PIWIL4: variants seen among roughly 807,000 people sequenced by gnomAD.
The protein encoded by PIWIL4 is piwi like RNA-mediated gene silencing 4.
A neutral mutation model predicts 100.9 loss-of-function variants in PIWIL4; 50 were observed. That is an observed-to-expected ratio of 0.50 (90% CI 0.39 to 0.63). The LOEUF (loss-of-function observed/expected upper bound fraction) is 0.63, where lower values mean the gene tolerates loss of function less well. PIWIL4 is among the 20% of genes least tolerant of loss of function. The probability of loss-of-function intolerance (pLI) is 0.00; values close to 1 mark genes in which losing one functional copy is unlikely to be tolerated. For missense variants in PIWIL4, 887 were observed against 1,043.3 expected (o/e 0.85, Z 2.06); for synonymous variants, 342 against 367.5 (o/e 0.93, Z 0.79).
chr11:94,605,085 G>A (rs1410465073), intron 13 of PIWIL4, among the ~76,000 whole-genome samples: 1 of 152,122 alleles, frequency 6.6e-6, no homozygotes, highest in Admixed American at 6.5e-5. Context: ...TAAGTTACAG[G>A]CATGATGCCC....
intron 8 of PIWIL4, among the ~76,000 whole-genome samples, chr11:94,592,626 C>T (rs974633090): frequency 3.9e-5 from 6 of 152,140 alleles, no homozygotes; most frequent in South Asian, 2.1e-4. Context: ...CATTTGACTT[C>T]TTTTATTGTG....
At chr11:94,571,124 C>T (rs566097722) in intron 2 of PIWIL4, among the ~76,000 whole-genome samples, 2 of 152,200 alleles carry the variant, frequency 1.3e-5, no homozygotes, top group South Asian at 2.1e-4. Context: ...GTGATCCAAA[C>T]ACACAAATGA....
intron 4 of PIWIL4, among the ~76,000 whole-genome samples, chr11:94,582,298 A>G (rs1057335240): frequency 6.6e-6 from 1 of 152,210 alleles, no homozygotes; most frequent in Admixed American, 6.5e-5. Context: ...TCTGTCTGCC[A>G]GAGTTTTCCC....
chr11:94,568,584 C>G, intron 1 of PIWIL4, 146 bp from the exon 2 acceptor site: 64 of 576,212 alleles, frequency 1.1e-4, no homozygotes, highest in East Asian at 1.5e-4. Context: ...TGGGCACTCT[C>G]TTCTCATCTC....
At position 94,567,663 on chromosome 11, in the gene PIWIL4, G is replaced by A. The variant is rs577697389; in HGVS notation, c.87+58G>A. 78 of 1,477,136 alleles carry A rather than the reference G, an allele frequency of 5.3e-5. No homozygotes were observed. The African/African-American group carries it at 7.9e-4, about 15-fold the overall frequency. 91.5% of individuals were successfully genotyped at this position (1,477,136 alleles called of 1,614,324 possible). A position where few individuals can be genotyped will look rare whatever the true frequency, so the allele number is the denominator to read the frequency against. ...TTTCTCCTACCTCTGTCTCTAGCCT[G>A]AACAATGCCTTCCTCTGCATGTATC... On this transcript the variant is annotated intron_variant, in intron 1 of 19. Coordinates refer to ENST00000299001, the MANE Select transcript of PIWIL4 (RefSeq NM_152431.3).
chr11:94,587,330 G>A (rs1303862765), intron 7 of PIWIL4, 83 bp downstream of exon 7: 11 of 1,361,782 alleles, frequency 8.1e-6, no homozygotes, highest in African/African-American at 2.9e-5. Context: ...TTGGAGTATT[G>A]GCCCAATATC....
Position 94,575,085 on chromosome 11 carries a change from A to G in PIWIL4, c.253A>G (p.Ile85Val), listed in dbSNP as rs773230700. The stretch of plus-strand genomic sequence containing the variant: ...CAAACAGGACTTTATGGATTTGAGT[A>G]TCTGTACCAGAGAAAAATTGGCACA... Reference protein sequence around the residue: ...KNKQDFMDLSICTREKLAHVR... With the variant: ...KNKQDFMDLSVCTREKLAHVR... The change falls in exon 3 of 20, where the codon ATC becomes GTC. Residue 85 changes from isoleucine to valine, a missense_variant. Coordinates refer to ENST00000299001, the MANE Select transcript of PIWIL4 (RefSeq NM_152431.3). 11 of 1,614,022 alleles carry G rather than the reference A, an allele frequency of 6.8e-6. No individual in the cohort carries two copies. The highest frequency in any genetic ancestry group is 1.1e-5 in the South Asian group (1 of 91,050).
intron 11 of PIWIL4, among the ~76,000 whole-genome samples, chr11:94,599,198 T>TTA (rs1352963291): frequency 2.0e-5 from 3 of 152,224 alleles, no homozygotes; most frequent in Non-Finnish European, 2.9e-5. Flanking sequence ...GAAGAAGGAC[T>TTA]TATGTACTTA....
chr11:94,571,531 G>T (rs11020834), intron 2 of PIWIL4, among the ~76,000 whole-genome samples: 1 of 151,994 alleles, frequency 6.6e-6, no homozygotes, highest in Non-Finnish European at 1.5e-5. Context: ...AGAGAACATG[G>T]GGTGTTTGGT....
intron 15 of PIWIL4, among the ~76,000 whole-genome samples, chr11:94,615,785 G>A (rs549291428): frequency 1.3e-4 from 20 of 152,156 alleles, no homozygotes; most frequent in African/African-American, 3.9e-4. Flanking sequence ...CTATAGGCAC[G>A]CGCCACCACA....
chr11:94,588,113 G>A (rs1490375993), intron 7 of PIWIL4, among the ~76,000 whole-genome samples: 3 of 149,254 alleles, frequency 2.0e-5, no homozygotes, highest in African/African-American at 7.5e-5. Flanking sequence ...CCCTCCCCCC[G>A]ACCCTATCAC....
intron 7 of PIWIL4, 77 bp from the exon 8 acceptor site, chr11:94,589,044 T>C: frequency 2.1e-6 from 2 of 974,920 alleles, no homozygotes; most frequent in Non-Finnish European, 3.1e-6. Flanking sequence ...TCTTATGTGT[T>C]GAATTAAAAG....
chr11:94,576,955 A>C (rs1350541736), intron 3 of PIWIL4, among the ~76,000 whole-genome samples: 1 of 152,204 alleles, frequency 6.6e-6, no homozygotes, highest in African/African-American at 2.4e-5. Context: ...AGCCGATTTG[A>C]ATTGCAGAGA....
At chr11:94,574,002 C>G (rs1948199337) in intron 2 of PIWIL4, among the ~76,000 whole-genome samples, 1 of 152,112 alleles carries the variant, frequency 6.6e-6, no homozygotes, top group Admixed American at 6.5e-5. Context: ...AAACCACGAG[C>G]AATGGCTTAT....
Position 94,618,005 on chromosome 11 carries a change from T to A in PIWIL4, c.2066T>A (p.Ile689Asn). 6.2e-7 allele frequency: 1 copy of A among 1,613,356 alleles called. No individual in the cohort carries two copies. Among genetic ancestry groups the A allele is most frequent in the Non-Finnish European group, 8.5e-7 (1 of 1,179,446 alleles). The change falls in exon 17 of 20, where the codon ATT (isoleucine) becomes AAT (asparagine). Residue 689 changes from isoleucine to asparagine, a missense_variant. Transcript: ENST00000299001. The part of the protein sequence containing the change: ...KYNHDLPARI[I>N]VYRAGVGDGQ... ...AATCATGATTTGCCAGCACGGATAATTGTGTACCGTGCTGGTGTAGGGGAT... is the reference window on the plus strand; with the variant it reads ...AATCATGATTTGCCAGCACGGATAAATGTGTACCGTGCTGGTGTAGGGGAT...
intron 15 of PIWIL4, among the ~76,000 whole-genome samples, chr11:94,614,319 CTTTTT>C (rs1408231760): frequency 2.3e-5 from 2 of 85,474 alleles, no homozygotes; most frequent in Non-Finnish European, 4.8e-5. Flanking sequence ...TTTTTTTTTC[CTTTTT>C]GAGATAGAGT....
intron 2 of PIWIL4, among the ~76,000 whole-genome samples, chr11:94,570,344 C>A (rs1948134000): frequency 6.6e-6 from 1 of 151,942 alleles, no homozygotes; most frequent in Non-Finnish European, 1.5e-5. Context: ...TCTGAGGACC[C>A]TCTCCTTGGT....
At chr11:94,599,565 G>C (rs476209) in intron 11 of PIWIL4, among the ~76,000 whole-genome samples, 2 of 151,994 alleles carry the variant, frequency 1.3e-5, no homozygotes, top group Non-Finnish European at 2.9e-5. Flanking sequence ...AGGAATGAAC[G>C]TTGACTCCAG....
At chr11:94,619,929 C>T (rs766144443) in intron 18 of PIWIL4, 44 bp downstream of exon 18, 8 of 1,613,986 alleles carry the variant, frequency 5.0e-6, no homozygotes, top group Admixed American at 3.3e-5. Flanking sequence ...ACATTCATTG[C>T]GTCCAGTTTA....
Sources: gnomAD v4.1 joint callset for allele counts (sites outside exome capture counted in the v4.1 genomes callset) on GRCh38, gnomAD v4.1.1 for gene constraint, MANE v1.5 for transcripts, NCBI Gene and HGNC (gene_info 2026-07-23, HGNC 2026-07-21) for gene names.